The following HECW2 variants were observed in gnomAD, a reference collection of about 807,000 sequenced individuals.
HECW2 encodes the protein HECT, C2 and WW domain containing E3 ubiquitin protein ligase 2, also known as E3 ubiquitin-protein ligase HECW2.
Under a neutral mutation model 175.2 loss-of-function variants are expected in HECW2, and 61 were observed. That is an observed-to-expected ratio of 0.35 (90% confidence interval 0.28 to 0.43). HECW2 has a LOEUF of 0.43. Among genes scored for constraint, HECW2 ranks in the 20% least tolerant of loss-of-function variants. HECW2 has a pLI of 1.00. For synonymous variants in HECW2, 671 were observed against 731.0 expected (o/e 0.92, Z 1.32); for missense variants, 1,524 against 2,000.5 (o/e 0.76, Z 4.54).
At chr2:196,411,958 CA>C (rs1330397404) in intron 2 of HECW2, among the ~76,000 whole-genome samples, 1 of 152,048 alleles carries the variant, frequency 6.6e-6, no homozygotes, top group African/African-American at 2.4e-5. Context: ...TGCAGTGAGC[CA>C]AAATTGCACC....
At chr2:196,575,421 A>C (rs1253191042) in intron 1 of HECW2, among the ~76,000 whole-genome samples, 1 of 152,200 alleles carries the variant, frequency 6.6e-6, no homozygotes, top group Non-Finnish European at 1.5e-5. Flanking sequence ...TATATAACCC[A>C]AGGAAATGAA....
rs140684294 is a variant in HECW2 at position 196,533,518 on chromosome 2, C to T, written c.-36+59990G>A. 2.5e-3 allele frequency among the ~76,000 whole-genome samples: 388 copies of T among 152,302 alleles called. 2 individuals carry two copies. Among genetic ancestry groups the T allele is most frequent in the African/African-American group, 8.6e-3 (356 of 41,566 alleles). ...TCTAATTCTCAATTCTTCCTCCACC[C>T]TCCTGCCTTCCCCTTCAGTTTGCAG... On this transcript the variant is annotated intron_variant, in intron 1 of 28. Coordinates refer to ENST00000644978, the MANE Select transcript of HECW2 (RefSeq NM_001348768.2).
chr2:196,399,668 T>A (rs1694765323), intron 2 of HECW2, among the ~76,000 whole-genome samples: 2 of 152,188 alleles, frequency 1.3e-5, no homozygotes, highest in South Asian at 4.1e-4. Flanking sequence ...AAAACAAAAG[T>A]GGGATTCAAA....
At chr2:196,227,421 C>T (rs1687892005) in intron 22 of HECW2, among the ~76,000 whole-genome samples, 1 of 152,078 alleles carries the variant, frequency 6.6e-6, no homozygotes, top group Non-Finnish European at 1.5e-5. Context: ...AAATAATCTT[C>T]AGATGGGAAT....
chr2:196,322,977 G>A (rs748100927), intron 6 of HECW2, among the ~76,000 whole-genome samples: 1 of 152,158 alleles, frequency 6.6e-6, no homozygotes, highest in Non-Finnish European at 1.5e-5. Context: ...TTAATATCTT[G>A]TTATAGAATG....
intron 17 of HECW2, among the ~76,000 whole-genome samples, chr2:196,262,799 C>T (rs1050724403): frequency 1.3e-5 from 2 of 152,106 alleles, no homozygotes; most frequent in Admixed American, 1.3e-4. Context: ...CTCAAGTGAT[C>T]CACCCACCTC....
At chr2:196,387,658 T>C (rs553533112) in intron 2 of HECW2, among the ~76,000 whole-genome samples, 10 of 152,266 alleles carry the variant, frequency 6.6e-5, no homozygotes, top group African/African-American at 2.4e-4. Context: ...AAACATACTC[T>C]TGAAAATATG....
chr2:196,463,814 G>GA (rs2125332751), intron 1 of HECW2, among the ~76,000 whole-genome samples: 1 of 152,206 alleles, frequency 6.6e-6, no homozygotes, highest in Non-Finnish European at 1.5e-5. Flanking sequence ...TCCTTTCCCT[G>GA]AAAATCCACA....
At chr2:196,568,872 C>T (rs1422521083) in intron 1 of HECW2, among the ~76,000 whole-genome samples, 2 of 152,186 alleles carry the variant, frequency 1.3e-5, no homozygotes, top group African/African-American at 2.4e-5. Flanking sequence ...ATAACCTGGT[C>T]GCTGTAGCAT....
chr2:196,525,990 C>T (rs1478073744), intron 1 of HECW2, among the ~76,000 whole-genome samples: 6 of 89,464 alleles, frequency 6.7e-5, no homozygotes, highest in African/African-American at 1.4e-4. Flanking sequence ...ATCTTTGTGG[C>T]GTTCTCGGTA....
intron 2 of HECW2, among the ~76,000 whole-genome samples, chr2:196,367,760 TG>T (rs1030713962): frequency 6.6e-6 from 1 of 152,134 alleles, no homozygotes; most frequent in Admixed American, 6.6e-5. Context: ...TTTCTGTCCC[TG>T]GTTTATTTCA....
At chr2:196,370,445 T>C (rs1448231489) in intron 2 of HECW2, among the ~76,000 whole-genome samples, 1 of 152,160 alleles carries the variant, frequency 6.6e-6, no homozygotes, top group Non-Finnish European at 1.5e-5. Flanking sequence ...TCAAGTGGAA[T>C]GCAGGGGTCT....
chr2:196,412,080 A>G (rs1031107995), intron 2 of HECW2, among the ~76,000 whole-genome samples: 2 of 152,202 alleles, frequency 1.3e-5, no homozygotes, highest in African/African-American at 4.8e-5. Context: ...TTTAAGGTTC[A>G]TTATTTATGT....
chr2:196,523,167 G>C (rs980908305), intron 1 of HECW2, among the ~76,000 whole-genome samples: 4 of 152,086 alleles, frequency 2.6e-5, no homozygotes, highest in African/African-American at 9.7e-5. Context: ...GCAGTGGTTT[G>C]TACTCCTTGA....
chr2:196,393,316 T>G (rs1237352859), intron 2 of HECW2, among the ~76,000 whole-genome samples: 1 of 151,996 alleles, frequency 6.6e-6, no homozygotes, highest in African/African-American at 2.4e-5. Flanking sequence ...CTAATTAAAC[T>G]AAAGAGCTTC....
At position 196,526,893 on chromosome 2, in the gene HECW2, G is replaced by A. The variant is rs572535806; in HGVS notation, c.-36+66615C>T. ...CTGCTCTCTTCAAAGCTGTCAGACAGGGACACTTAAGTCTGCAGAGGTTAC... is the reference window on the plus strand; with the variant it reads ...CTGCTCTCTTCAAAGCTGTCAGACAAGGACACTTAAGTCTGCAGAGGTTAC... On this transcript the variant is annotated intron_variant, in intron 1 of 28. Transcript: ENST00000644978. Among the ~76,000 whole-genome samples the A allele has an allele frequency of 3.9e-5, 6 of 152,084 alleles. No individual in the cohort carries two copies. The East Asian group carries it at 1.2e-3, about 29-fold the overall frequency.
intron 1 of HECW2, among the ~76,000 whole-genome samples, chr2:196,543,312 T>C (rs1385036588): frequency 2.0e-5 from 3 of 150,378 alleles, no homozygotes; most frequent in Non-Finnish European, 3.0e-5. Context: ...TTGTTGTTTT[T>C]GGTAAAAAAA....
intron 1 of HECW2, among the ~76,000 whole-genome samples, chr2:196,538,619 T>C (rs9288265): frequency 0.16 from 24,225 of 152,118 alleles, 3,585 homozygotes; most frequent in African/African-American, 0.39. Context: ...TGCCCCTCTA[T>C]ACCCAGCCTT....
chr2:196,414,309 C>T (rs1372388957), intron 2 of HECW2, among the ~76,000 whole-genome samples: 1 of 152,202 alleles, frequency 6.6e-6, no homozygotes, highest in Non-Finnish European at 1.5e-5. Context: ...AATTTCACCT[C>T]TGAATCTGAG....
Sources: allele counts gnomAD v4.1 joint callset (sites outside exome capture counted in the v4.1 genomes callset), GRCh38; gene constraint gnomAD v4.1.1; transcripts MANE v1.5; gene names NCBI Gene and HGNC (gene_info 2026-07-23, HGNC 2026-07-21).